The following SMG5 variants were observed in gnomAD, a reference collection of about 807,000 sequenced individuals.
The protein encoded by SMG5 is nonsense-mediated mRNA decay factor SMG5.
SMG5 carries 53 observed loss-of-function variants against 122.9 expected under a neutral mutation model. The ratio of observed to expected loss-of-function variants is 0.43; its 90% confidence interval spans 0.35 to 0.54. The LOEUF is 0.54. Ranked by LOEUF, SMG5 falls within the 20% of genes least tolerant of loss-of-function variation. The pLI is 0.01. For synonymous variants in SMG5, 477 were observed against 490.2 expected, an observed-to-expected ratio of 0.97 and a Z score of 0.35; for missense variants, 1,153 against 1,285.6, an observed-to-expected ratio of 0.90 and a Z score of 1.58.
At chr1:156,256,642 AAT>A (rs2103211485) in intron 16 of SMG5, among the ~76,000 whole-genome samples, 1 of 152,246 alleles carries the variant, frequency 6.6e-6, no homozygotes, top group East Asian at 1.9e-4. Flanking sequence ...GAGCTGTGCT[AAT>A]ATGAGGCTCT....
rs767422298 is a variant in SMG5 at position 156,272,386 on chromosome 1, T to C, written c.647A>G (p.Asn216Ser). 1.5e-5 allele frequency: 24 copies of C among 1,601,832 alleles called. No homozygotes were observed. The highest frequency in any genetic ancestry group is 3.4e-5 in the Admixed American group (2 of 58,980). The change falls in exon 7 of 22, where the codon AAT (asparagine) becomes AGT (serine). Residue 216 changes from asparagine to serine, a missense_variant. This residue lies in a region of SMG5 where 85 missense variants were observed against 127.3 expected (regional missense o/e 0.67). Coordinates refer to ENST00000361813, the MANE Select transcript of SMG5 (RefSeq NM_015327.3). The stretch of plus-strand genomic sequence containing the variant: ...GCTGCCTGCCAGGGTGCCCAGCTGA[T>C]TGAAGGGCATTCCTAGGGAGAAAGA... The part of the protein sequence containing the change: ...SVAPQIGMPF[N>S]QLGTLAGSKY...
chr1:156,286,468 C>A, upstream of SMG5: 2 of 1,614,162 alleles, frequency 1.2e-6, no homozygotes, highest in South Asian at 1.1e-5. Context: ...TCTTTGCCGT[C>A]TCCCGGTAAG....
chr1:156,252,698 T>C (rs1250450538), intron 18 of SMG5, 194 bp from the exon 19 acceptor site: 5 of 748,024 alleles, frequency 6.7e-6, no homozygotes, highest in Non-Finnish European at 1.1e-5. Flanking sequence ...TACCAAGTGC[T>C]TTCTCATTAT....
rs201984235 is a variant in SMG5, at chr1:156,266,644, G to C, written c.1152C>G (p.Thr384=). ...SKQYSAAIAF[T]LALFSHLVNH... ...TGACGAGGTGGGAAAAGAGGGCCAG[G>C]GTGAAGGCAATGGCTGCACTGTACT... Residue 384 remains threonine, a synonymous_variant, in exon 11 of 22, where the codon ACC becomes ACG. Coordinates refer to ENST00000361813, the MANE Select transcript of SMG5 (RefSeq NM_015327.3). 1.2e-5 allele frequency: 20 copies of C among 1,614,136 alleles called. No homozygotes were observed. The highest frequency in any genetic ancestry group is 1.7e-5 in the Non-Finnish European group (20 of 1,180,036).
In SMG5 at chr1:156,251,005, G is replaced by T; in HGVS notation, c.2829-9C>A. 3.7e-6 allele frequency: 6 copies of T among 1,611,404 alleles called. No individual in the cohort carries two copies. Among genetic ancestry groups the T allele is most frequent in the Non-Finnish European group, 5.1e-6 (6 of 1,178,220 alleles). On this transcript the variant is annotated splice_polypyrimidine_tract_variant and intron_variant, in intron 20 of 21. Transcript: ENST00000361813. The stretch of plus-strand genomic sequence containing the variant: ...GGATCTTATAGAGAGTCCTGGGGAT[G>T]GGGGGCAGAGGGGAAGATGGGCCAA...
chr1:156,285,224 A>G (rs1257133992), upstream of SMG5: 14 of 1,526,296 alleles, frequency 9.2e-6, no homozygotes, highest in Admixed American at 2.9e-4. Context: ...CTGAGGCCCC[A>G]GGATGACAGA....
Position 156,250,542 on chromosome 1 carries a change from G to T in SMG5, c.*45C>A. 1.3e-6 allele frequency: 2 copies of T among 1,553,634 alleles called. No homozygotes were observed. Among genetic ancestry groups the T allele is most frequent in the Non-Finnish European group, 1.8e-6 (2 of 1,124,918 alleles). ...CTGGTCCTGGCTGCCAGGGAGGGCAGGAGAGATCTGGAGTCAGCCCCACTG... is the reference window on the plus strand; with the variant it reads ...CTGGTCCTGGCTGCCAGGGAGGGCATGAGAGATCTGGAGTCAGCCCCACTG... On this transcript the variant is annotated 3_prime_UTR_variant, in exon 22 of 22. Coordinates refer to ENST00000361813, the MANE Select transcript of SMG5 (RefSeq NM_015327.3).
intron 1 of SMG5, among the ~76,000 whole-genome samples, chr1:156,281,037 T>G (rs572979112): frequency 3.9e-5 from 6 of 152,338 alleles, no homozygotes; most frequent in African/African-American, 1.4e-4. Context: ...TTTCTGAAGC[T>G]CAGAGTGACA....
intron 9 of SMG5, 103 bp downstream of exon 9, chr1:156,268,012 C>G: frequency 8.2e-7 from 1 of 1,218,628 alleles, no homozygotes; most frequent in East Asian, 2.3e-5. Flanking sequence ...GATGTTCAAA[C>G]TGAGGGCAGA....
chr1:156,281,916 G>A (rs1232477876), intron 1 of SMG5, among the ~76,000 whole-genome samples: 2 of 152,168 alleles, frequency 1.3e-5, no homozygotes, highest in African/African-American at 4.8e-5. Context: ...AACCAGGAAC[G>A]GAAGTTGCCT....
At chr1:156,260,407 G>T in intron 15 of SMG5, 44 bp downstream of exon 15, 1 of 1,581,610 alleles carries the variant, frequency 6.3e-7, no homozygotes, top group South Asian at 1.2e-5. Context: ...GCTGCTGTTT[G>T]TGACTGACAA....
chr1:156,275,159 A>G (rs534264749), intron 4 of SMG5, among the ~76,000 whole-genome samples: 14 of 151,582 alleles, frequency 9.2e-5, no homozygotes, highest in East Asian at 1.9e-4. Context: ...AAGCAAAAAC[A>G]ACGACAACAA....
rs1342208364 is a variant in SMG5, at chr1:156,249,621, A to G, written c.*966T>C. The stretch of plus-strand genomic sequence containing the variant: ...AGGTCTTCAGTCCTGCGGAAGGCAA[A>G]AGGAGGGACGGGGGCCTCTGACTGA... On this transcript the variant is annotated 3_prime_UTR_variant, in exon 22 of 22. Coordinates refer to ENST00000361813, the MANE Select transcript of SMG5 (RefSeq NM_015327.3). 1.2e-5 allele frequency: 5 copies of G among 401,170 alleles called. No homozygotes were observed. The highest frequency in any genetic ancestry group is 2.6e-5 in the Non-Finnish European group (5 of 195,502). 24.9% of individuals were successfully genotyped at this position (401,170 alleles called of 1,614,324 possible).
At chr1:156,256,134 T>C (rs1363952994) in intron 16 of SMG5, among the ~76,000 whole-genome samples, 1 of 152,030 alleles carries the variant, frequency 6.6e-6, no homozygotes, top group African/African-American at 2.4e-5. Flanking sequence ...GTGGGAAGAC[T>C]AGGGAAAGAG....
chr1:156,275,093 A>G (rs1230801798), intron 4 of SMG5, among the ~76,000 whole-genome samples: 1 of 150,836 alleles, frequency 6.6e-6, no homozygotes, highest in Non-Finnish European at 1.5e-5. Flanking sequence ...AATATGGGAA[A>G]CTAATTTGCC....
chr1:156,261,625 T>C (rs986375958), intron 13 of SMG5, among the ~76,000 whole-genome samples: 1 of 152,136 alleles, frequency 6.6e-6, no homozygotes, highest in Non-Finnish European at 1.5e-5. Flanking sequence ...CGGTGGTTCA[T>C]GCCTATAATC....
Position 156,267,510 on chromosome 1 carries a change from G to C in SMG5, c.1077C>G (p.Val359=), listed in dbSNP as rs762265779. The C allele has an allele frequency of 6.8e-6, 11 of 1,614,008 alleles. No individual in the cohort carries two copies. Among genetic ancestry groups the C allele is most frequent in the Middle Eastern group, 1.6e-4 (1 of 6,084 alleles). Residue 359 remains valine, a synonymous_variant, in exon 10 of 22, where the codon GTC becomes GTG. Transcript: ENST00000361813. ...FLPDLLIFQM[V]IICLMCVHSL... Reference sequence around the variant, plus strand: ...TGTGCACACACATAAGGCAGATGATGACCATTTGAAAGATGAGAAGGTCCG... The same window carrying C: ...TGTGCACACACATAAGGCAGATGATCACCATTTGAAAGATGAGAAGGTCCG...
At position 156,250,220 on chromosome 1, in the gene SMG5, A is replaced by C. The variant is rs1572568410; in HGVS notation, c.*367T>G. 4 of 357,352 alleles carry C rather than the reference A, an allele frequency of 1.1e-5. No homozygotes were observed. The highest frequency in any genetic ancestry group is 6.9e-5 in the South Asian group (3 of 43,266). The allele number at this position is 357,352 out of a possible 1,614,324, so 22.1% of individuals were successfully genotyped here. ...CACCCTGCATCTTGGGTGAGGAAGAAGGGCCTCTTTTGCTGTTCCTTCCCC... is the reference window on the plus strand; with the variant it reads ...CACCCTGCATCTTGGGTGAGGAAGACGGGCCTCTTTTGCTGTTCCTTCCCC... On this transcript the variant is annotated 3_prime_UTR_variant, in exon 22 of 22. Coordinates refer to ENST00000361813, the MANE Select transcript of SMG5 (RefSeq NM_015327.3).
chr1:156,278,922 A>G lies in SMG5; in HGVS notation c.173+14T>C, dbSNP rs1318493246. On this transcript the variant is annotated intron_variant, in intron 2 of 21. Transcript: ENST00000361813. ...GAAACAGTAAGGATCTGTGGTTTAGAGTCTCTAGCTTACTTGTTCCTCAGG... is the reference window on the plus strand; with the variant it reads ...GAAACAGTAAGGATCTGTGGTTTAGGGTCTCTAGCTTACTTGTTCCTCAGG... 1.9e-6 allele frequency: 3 copies of G among 1,603,134 alleles called. No homozygotes were observed. The African/African-American group carries it at 4.0e-5, about 21-fold the overall frequency.
Sources: allele counts gnomAD v4.1 joint callset (sites outside exome capture counted in the v4.1 genomes callset), GRCh38; gene constraint gnomAD v4.1.1; regional missense constraint gnomAD v4.1.1; transcripts MANE v1.5; gene names NCBI Gene and HGNC (gene_info 2026-07-23, HGNC 2026-07-21).